Variants in FILIP1L observed in about 807,000 individuals in gnomAD.
FILIP1L encodes filamin A interacting protein 1 like.
Under a neutral mutation model 96.6 loss-of-function variants are expected in FILIP1L, and 55 were observed. The ratio of observed to expected loss-of-function variants is 0.57; its 90% confidence interval spans 0.46 to 0.71. FILIP1L has a LOEUF of 0.71. Ranked by LOEUF, FILIP1L falls within the 30% of genes least tolerant of loss-of-function variation. FILIP1L has a pLI of 0.00. For synonymous variants in FILIP1L, 467 were observed against 473.9 expected (o/e 0.99, Z 0.19); for missense variants, 1,304 against 1,321.2 (o/e 0.99, Z 0.20).
chr3:99,990,217 G>A (rs1709473082), intron 1 of FILIP1L, among the ~76,000 whole-genome samples: 1 of 152,024 alleles, frequency 6.6e-6, no homozygotes, highest in Non-Finnish European at 1.5e-5. Flanking sequence ...GGGTGGTAGA[G>A]AGGGTAGTCA....
chr3:99,975,924 G>T (rs1310749848), intron 1 of FILIP1L, among the ~76,000 whole-genome samples: 11 of 152,144 alleles, frequency 7.2e-5, no homozygotes, highest in Admixed American at 7.2e-4. Context: ...ACGCTCTGTT[G>T]TCCAGGCTGG....
intron 1 of FILIP1L, among the ~76,000 whole-genome samples, chr3:99,973,289 T>C (rs1002714030): frequency 6.6e-6 from 1 of 152,202 alleles, no homozygotes; most frequent in Non-Finnish European, 1.5e-5. Context: ...TAAATATTCA[T>C]TTGAGAATAC....
chr3:99,943,529 C>T (rs1455078286), intron 1 of FILIP1L, among the ~76,000 whole-genome samples: 1 of 152,016 alleles, frequency 6.6e-6, no homozygotes, highest in Non-Finnish European at 1.5e-5. Flanking sequence ...TATGGTGAAA[C>T]CCCATCTCTA....
At chr3:99,883,731 AAC>A (rs1231720528) in intron 4 of FILIP1L, among the ~76,000 whole-genome samples, 1 of 152,236 alleles carries the variant, frequency 6.6e-6, no homozygotes, top group South Asian at 2.1e-4. Context: ...TAATAACAAA[AAC>A]AATAATAGGT....
At position 99,848,567 on chromosome 3, in the gene FILIP1L, C is replaced by T. The variant is rs772775239; in HGVS notation, c.3109G>A (p.Asp1037Asn). 6.2e-7 allele frequency: 1 copy of T among 1,614,170 alleles called. No individual in the cohort carries two copies. The highest frequency in any genetic ancestry group is 8.5e-7 in the Non-Finnish European group (1 of 1,180,036). The part of the protein sequence containing the change: ...AKHAIFRVSP[D>N]RQSSWQFQRS... ...TGAAACTGCCATGATGACTGCCGGT[C>T]TGGGGAGACTCTGAATATCGCATGC... is the stretch of plus-strand genomic sequence containing the variant. The change falls in exon 5 of 6, where the codon GAC (aspartate) becomes AAC (asparagine). Residue 1037 changes from aspartate (D) to asparagine (N), a missense_variant. Asp to Asn is a conservative substitution (Grantham distance 23, BLOSUM62 1). Transcript: ENST00000477258.
intron 4 of FILIP1L, among the ~76,000 whole-genome samples, chr3:99,890,118 A>G (rs1559677408): frequency 1.3e-5 from 2 of 151,958 alleles, no homozygotes; most frequent in South Asian, 4.1e-4. Context: ...TTATTTCACC[A>G]TCGTTCTTGA....
At chr3:100,076,720 AC>A (rs1367559919) in intron 1 of FILIP1L, among the ~76,000 whole-genome samples, 1 of 152,186 alleles carries the variant, frequency 6.6e-6, no homozygotes, top group African/African-American at 2.4e-5. Context: ...TGTTTCTTCT[AC>A]CATCTCCACC....
At chr3:100,085,623 G>T (rs900297477) in intron 1 of FILIP1L, among the ~76,000 whole-genome samples, 2 of 152,042 alleles carry the variant, frequency 1.3e-5, no homozygotes, top group African/African-American at 4.8e-5. Context: ...ACATCCTCAA[G>T]CTTACAGGCT....
At chr3:99,848,213 T>C (rs1943457153) in intron 5 of FILIP1L, 82 bp downstream of exon 5, 3 of 1,571,612 alleles carry the variant, frequency 1.9e-6, no homozygotes, top group Admixed American at 1.7e-5. Context: ...GGAGGGATGA[T>C]TAAAAAAGGA....
intron 1 of FILIP1L, among the ~76,000 whole-genome samples, chr3:100,074,715 A>T (rs1423358740): frequency 6.0e-5 from 1 of 16,760 alleles, no homozygotes; most frequent in South Asian, 1.8e-3. Flanking sequence ...TTTTTTTGAG[A>T]CGAAGTCTCA....
chr3:99,947,229 A>G (rs1048136967), intron 1 of FILIP1L, among the ~76,000 whole-genome samples: 4 of 152,070 alleles, frequency 2.6e-5, no homozygotes, highest in Admixed American at 6.6e-5. Context: ...CTTTAATTCA[A>G]CCACGCAGAG....
chr3:100,055,439 A>C (rs2065448928), intron 1 of FILIP1L, among the ~76,000 whole-genome samples: 2 of 152,200 alleles, frequency 1.3e-5, no homozygotes, highest in Admixed American at 6.5e-5. Context: ...ACACTGTGAC[A>C]ATCACTGTCT....
intron 5 of FILIP1L, among the ~76,000 whole-genome samples, 191 bp from the exon 6 acceptor site, chr3:99,830,796 T>C (rs1478892506): frequency 2.0e-5 from 3 of 152,206 alleles, no homozygotes; most frequent in Non-Finnish European, 4.4e-5. Flanking sequence ...GTTGAATGTG[T>C]GCTGTGTGCA....
At chr3:100,057,104 A>G (rs1553709976) in intron 1 of FILIP1L, among the ~76,000 whole-genome samples, 1 of 152,188 alleles carries the variant, frequency 6.6e-6, no homozygotes, top group Non-Finnish European at 1.5e-5. Context: ...TTTTAATGGA[A>G]AGTCCTGGAC....
intron 4 of FILIP1L, chr3:99,898,205 A>C (rs1263492045): frequency 6.6e-6 from 1 of 152,210 alleles, no homozygotes; most frequent in Non-Finnish European, 1.5e-5. Flanking sequence ...TTTGAAGGTT[A>C]TTTGGAAAAA....
intron 5 of FILIP1L, among the ~76,000 whole-genome samples, chr3:99,833,985 GA>G (rs913989881): frequency 1.9e-4 from 29 of 152,194 alleles, no homozygotes; most frequent in Non-Finnish European, 4.1e-4. Flanking sequence ...CTAAACTGAA[GA>G]AAAATATATT....
intron 1 of FILIP1L, among the ~76,000 whole-genome samples, chr3:100,056,875 G>A (rs1270045209): frequency 6.6e-6 from 1 of 152,088 alleles, no homozygotes; most frequent in Non-Finnish European, 1.5e-5. Flanking sequence ...GTGATGGCAG[G>A]CGCCTGTAGT....
In FILIP1L at chr3:99,890,887, G is replaced by A. The variant is rs149190149; in HGVS notation, c.605+33343C>T. ...TTCAGATTTTTTTATATGAAGTCAC[G>A]TATCTCAGAATTTTATATGTAGGAA... On this transcript the variant is annotated intron_variant, in intron 4 of 5. Coordinates refer to ENST00000477258, the MANE Select transcript of FILIP1L (RefSeq NM_001387850.1). Among the ~76,000 whole-genome samples the A allele has an allele frequency of 1.4e-3, 218 of 152,018 alleles. 1 individual carries two copies. Among genetic ancestry groups the A allele is most frequent in the Non-Finnish European group, 2.5e-3 (173 of 67,946 alleles).
chr3:99,836,437 A>G (rs1182828651), intron 5 of FILIP1L, among the ~76,000 whole-genome samples: 3 of 152,154 alleles, frequency 2.0e-5, no homozygotes, highest in Non-Finnish European at 4.4e-5. Context: ...TCCATGTGGA[A>G]CTGTTTGGTA....
Sources: allele counts gnomAD v4.1 joint callset (sites outside exome capture counted in the v4.1 genomes callset), GRCh38; gene constraint gnomAD v4.1.1; transcripts MANE v1.5; gene names NCBI Gene and HGNC (gene_info 2026-07-23, HGNC 2026-07-21).